The following PLEKHA8 variants were observed in gnomAD, a reference collection of about 807,000 sequenced individuals.
PLEKHA8 encodes the protein pleckstrin homology domain-containing family A member 8.
Under a neutral mutation model 68.2 loss-of-function variants are expected in PLEKHA8, and 36 were observed. The observed-to-expected ratio is 0.53, with a 90% CI of 0.40 to 0.70. The LOEUF is 0.70. PLEKHA8 is among the 30% of genes least tolerant of loss of function. PLEKHA8 has a pLI of 0.00. For synonymous variants in PLEKHA8, 211 were observed against 216.1 expected, an observed-to-expected ratio of 0.98 and a Z score of 0.20; for missense variants, 505 against 615.4, an observed-to-expected ratio of 0.82 and a Z score of 1.90.
intron 13 of PLEKHA8, among the ~76,000 whole-genome samples, chr7:30,077,690 A>C (rs1007779232): frequency 6.6e-6 from 1 of 152,158 alleles, no homozygotes; most frequent in Non-Finnish European, 1.5e-5. Flanking sequence ...CTTACTGCAA[A>C]AATGGGGAGG....
rs778184033 is a variant in PLEKHA8 at position 30,049,340 on chromosome 7, T to C, written c.555T>C (p.Thr185=). The change falls in exon 5 of 14, where the codon ACT becomes ACC. Residue 185 remains threonine (T), a synonymous_variant. Transcript: ENST00000449726. ...AAFTSELLYR[T]PPGSPQLAML... is the part of the protein sequence containing the mutation. ...TCACCTCTGAGCTGCTCTACCGCACTCCACCAGGATCACCTCAGCTGGCCA... is the reference window on the plus strand; with the variant it reads ...TCACCTCTGAGCTGCTCTACCGCACCCCACCAGGATCACCTCAGCTGGCCA... 6.2e-7 allele frequency: 1 copy of C among 1,614,108 alleles called. No homozygotes were observed. The highest frequency in any genetic ancestry group is 1.7e-4 in the Middle Eastern group (1 of 6,052).
downstream of PLEKHA8, among the ~76,000 whole-genome samples, chr7:30,088,697 A>G (rs1158400930): frequency 1.3e-5 from 2 of 152,224 alleles, no homozygotes; most frequent in Non-Finnish European, 2.9e-5. Flanking sequence ...AAGGAGCCCA[A>G]CCTTGTTTTT....
downstream of PLEKHA8, among the ~76,000 whole-genome samples, chr7:30,085,262 C>G (rs558864602): frequency 6.6e-6 from 1 of 152,234 alleles, no homozygotes; most frequent in African/African-American, 2.4e-5. Context: ...TTTTATGAAA[C>G]TGTTTAAAAC....
downstream of PLEKHA8, among the ~76,000 whole-genome samples, chr7:30,088,511 C>T (rs1277707856): frequency 6.6e-6 from 1 of 152,074 alleles, no homozygotes; most frequent in African/African-American, 2.4e-5. Context: ...AGAGTGAGAA[C>T]CCCCAGAGCT....
Position 30,079,238 on chromosome 7 carries a change from TGTAGA to T in PLEKHA8, c.*454_*458del. 1.0e-6 allele frequency: 1 copy of T among 995,112 alleles called. No individual in the cohort carries two copies. The highest frequency in any genetic ancestry group is 1.7e-5 in the African/African-American group (1 of 57,418). The allele number at this position is 995,112 out of a possible 1,614,324, so 61.6% of individuals were successfully genotyped here. ...AGTATAAGCTGCTTTGTTGAAGCTGTGTAGAGTTTGCTGTTCCTAGATGTTCTTCA... is the reference window on the plus strand; with the variant it reads ...AGTATAAGCTGCTTTGTTGAAGCTGTGTTTGCTGTTCCTAGATGTTCTTCA... On this transcript the variant is annotated 3_prime_UTR_variant, in exon 14 of 14. Transcript: ENST00000449726.
intron 6 of PLEKHA8, among the ~76,000 whole-genome samples, chr7:30,051,624 C>T (rs1792416413): frequency 6.6e-6 from 1 of 152,088 alleles, no homozygotes; most frequent in Admixed American, 6.6e-5. Flanking sequence ...CTGACATTTC[C>T]CTCAGGATGT....
intron 1 of PLEKHA8, among the ~76,000 whole-genome samples, chr7:30,041,178 A>G (rs1004706607): frequency 1.3e-5 from 2 of 152,180 alleles, no homozygotes; most frequent in African/African-American, 4.8e-5. Flanking sequence ...ATCACTCTGC[A>G]TTTAAATTTT....
chr7:30,124,941 A>C (rs1444266017), intron 13 of PLEKHA8, among the ~76,000 whole-genome samples: 2 of 152,054 alleles, frequency 1.3e-5, no homozygotes, highest in Non-Finnish European at 2.9e-5. Context: ...ATTTAGGAAA[A>C]AATAAAAAAA....
chr7:30,040,030 A>G (rs1338681084), intron 1 of PLEKHA8, among the ~76,000 whole-genome samples: 1 of 152,200 alleles, frequency 6.6e-6, no homozygotes, highest in African/African-American at 2.4e-5. Flanking sequence ...TGCCTTTATC[A>G]GGTTGAAGAA....
At chr7:30,107,371 C>T (rs1796097510) in intron 13 of PLEKHA8, among the ~76,000 whole-genome samples, 1 of 151,906 alleles carries the variant, frequency 6.6e-6, no homozygotes, top group Non-Finnish European at 1.5e-5. Flanking sequence ...TTATTGCTGC[C>T]ATTAAAGAAT....
chr7:30,097,855 T>C (rs1795681774), intron 13 of PLEKHA8, among the ~76,000 whole-genome samples: 1 of 152,232 alleles, frequency 6.6e-6, no homozygotes, highest in African/African-American at 2.4e-5. Flanking sequence ...CCAGCTTTGT[T>C]CCGTTGCTGG....
chr7:30,045,245 T>C (rs1302301633), intron 2 of PLEKHA8, 44 bp downstream of exon 2: 1 of 1,493,744 alleles, frequency 6.7e-7, no homozygotes, highest in African/African-American at 1.4e-5. Context: ...TCTTTCTGTT[T>C]TCCCTCAAAA....
chr7:30,038,888 A>C (rs548995213), intron 1 of PLEKHA8, among the ~76,000 whole-genome samples: 17 of 152,168 alleles, frequency 1.1e-4, no homozygotes, highest in African/African-American at 4.1e-4. Flanking sequence ...TGACTTAAAA[A>C]TGGTGGTTGC....
At position 30,046,303 on chromosome 7, in the gene PLEKHA8, G is replaced by A; in HGVS notation, c.251G>A (p.Trp84Ter). 6.2e-7 allele frequency: 1 copy of A among 1,613,962 alleles called. No homozygotes were observed. The highest frequency in any genetic ancestry group is 8.5e-7 in the Non-Finnish European group (1 of 1,179,876). The change falls in exon 3 of 14, where the codon TGG becomes TAG. Residue 84 changes from tryptophan (W) to a stop codon, truncating the protein, a stop_gained. Coordinates refer to ENST00000449726, the MANE Select transcript of PLEKHA8 (RefSeq NM_001197026.2). LOFTEE classifies it high-confidence loss of function. ...AGAAGTGTGGCTGAAAGACAGCGGTGGCTGGTGGCCCTGGGATCAGCCAAG... is the reference window on the plus strand; with the variant it reads ...AGAAGTGTGGCTGAAAGACAGCGGTAGCTGGTGGCCCTGGGATCAGCCAAG... ...KARSVAERQR[W>*]LVALGSAKAC...
At chr7:30,046,761 T>G (rs1001132180) in intron 3 of PLEKHA8, among the ~76,000 whole-genome samples, 8 of 152,206 alleles carry the variant, frequency 5.3e-5, no homozygotes, top group African/African-American at 1.7e-4. Flanking sequence ...GTGGCCAAAC[T>G]TGACCTTTGG....
In PLEKHA8 at chr7:30,055,464, A is replaced by G. The variant is rs542305954; in HGVS notation, c.1039+122A>G. 7.3e-6 allele frequency: 6 copies of G among 818,106 alleles called. No homozygotes were observed. The South Asian group carries it at 7.4e-5, about 10-fold the overall frequency. 50.7% of individuals were successfully genotyped at this position (818,106 alleles called of 1,614,324 possible). A position where few individuals can be genotyped will look rare whatever the true frequency, so the allele number is the denominator to read the frequency against. ...GAGATGACCCTTGGCTATTTGTTCA[A>G]ATCACCAGACACATACAGTTAAAAC... On this transcript the variant is annotated intron_variant, in intron 9 of 13. Transcript: ENST00000449726.
At chr7:30,036,970 G>C (rs1400984932) in intron 1 of PLEKHA8, among the ~76,000 whole-genome samples, 1 of 152,190 alleles carries the variant, frequency 6.6e-6, no homozygotes. Flanking sequence ...AGGAACCCAA[G>C]GCTTTGCTGT....
Position 30,083,036 on chromosome 7 carries a change from G to A in PLEKHA8, c.*4249G>A. On this transcript the variant is annotated 3_prime_UTR_variant, in exon 14 of 14. Coordinates refer to ENST00000449726, the MANE Select transcript of PLEKHA8 (RefSeq NM_001197026.2). The stretch of plus-strand genomic sequence containing the variant: ...CCTCATGTTTCATTTCTTTTTTTAA[G>A]ATAATCTATCAACCTTTTTTAAATT... The A allele has an allele frequency of 2.0e-6, 2 of 982,834 alleles. No homozygotes were observed. The highest frequency in any genetic ancestry group is 4.7e-5 in the South Asian group (1 of 21,224). 60.9% of individuals were successfully genotyped at this position (982,834 alleles called of 1,614,324 possible). A position where few individuals can be genotyped will look rare whatever the true frequency, so the allele number is the denominator to read the frequency against.
chr7:30,059,390 G>C (rs903937438), intron 9 of PLEKHA8, among the ~76,000 whole-genome samples: 1 of 152,102 alleles, frequency 6.6e-6, no homozygotes, highest in African/African-American at 2.4e-5. Context: ...TTCATAAAAT[G>C]CTTTTTCTGT....
Sources: gnomAD v4.1 joint callset for allele counts (sites outside exome capture counted in the v4.1 genomes callset) on GRCh38, gnomAD v4.1.1 for gene constraint, MANE v1.5 for transcripts, NCBI Gene and HGNC (gene_info 2026-07-23, HGNC 2026-07-21) for gene names.